Variants in DLGAP1 observed in about 807,000 individuals in gnomAD.
DLGAP1 encodes disks large-associated protein 1.
DLGAP1 carries 11 observed loss-of-function variants against 90.8 expected under a neutral mutation model. That is an observed-to-expected ratio of 0.12 (90% CI 0.08 to 0.20). The LOEUF (loss-of-function observed/expected upper bound fraction) is 0.20, where lower values mean the gene tolerates loss of function less well. Among genes scored for constraint, DLGAP1 ranks in the 10% least tolerant of loss-of-function variants. DLGAP1 has a pLI of 1.00. For missense variants in DLGAP1, 1,050 were observed against 1,333.8 expected (o/e 0.79, Z 3.31); for synonymous variants, 558 against 540.7 (o/e 1.03, Z -0.44).
At chr18:4,434,666 A>G (rs1434023433) in intron 1 of DLGAP1, among the ~76,000 whole-genome samples, 1 of 152,162 alleles carries the variant, frequency 6.6e-6, no homozygotes, top group East Asian at 1.9e-4. Context: ...GTCACAGAGA[A>G]ATCAGCAGGG....
chr18:4,172,963 C>CATT (rs1568433160), intron 1 of DLGAP1, among the ~76,000 whole-genome samples: 1 of 152,012 alleles, frequency 6.6e-6, no homozygotes, highest in Non-Finnish European at 1.5e-5. Context: ...CAAACTGTTA[C>CATT]GTTTCTTGCA....
chr18:3,784,369 C>T (rs2065347493), intron 5 of DLGAP1, among the ~76,000 whole-genome samples: 1 of 152,156 alleles, frequency 6.6e-6, no homozygotes. Context: ...AACCTCTATC[C>T]TAGCCTTCTT....
chr18:4,060,098 T>C (rs9960746), intron 2 of DLGAP1, among the ~76,000 whole-genome samples: 126,327 of 152,220 alleles, frequency 0.83, 52,673 homozygotes, highest in East Asian at 0.94. Context: ...GGCCAAAGGG[T>C]CTCCAGGACA....
intron 1 of DLGAP1, among the ~76,000 whole-genome samples, chr18:4,334,698 G>T (rs941490410): frequency 1.3e-5 from 2 of 151,844 alleles, no homozygotes; most frequent in Admixed American, 1.3e-4. Context: ...AGGGCAGGGT[G>T]GGAAGAGGTT....
At chr18:3,650,333 C>T (rs113252832) in intron 7 of DLGAP1, among the ~76,000 whole-genome samples, 9,828 of 152,108 alleles carry the variant, frequency 0.065, 479 homozygotes, top group African/African-American at 0.13. Flanking sequence ...TGTGAGTCAC[C>T]GTGCCTGGTT....
intron 7 of DLGAP1, among the ~76,000 whole-genome samples, chr18:3,713,744 A>G (rs1432830766): frequency 1.3e-5 from 2 of 151,610 alleles, no homozygotes; most frequent in Non-Finnish European, 2.9e-5. Flanking sequence ...GTGTGATAGA[A>G]AGAAACATGT....
At chr18:3,731,511 A>T (rs1178985775) in intron 6 of DLGAP1, among the ~76,000 whole-genome samples, 1 of 151,128 alleles carries the variant, frequency 6.6e-6, no homozygotes. Context: ...AGCCTCAAGC[A>T]ATCCTCCCGA....
chr18:4,347,480 C>T (rs625360), intron 1 of DLGAP1, among the ~76,000 whole-genome samples: 36,141 of 151,746 alleles, frequency 0.24, 4,365 homozygotes, highest in East Asian at 0.27. Context: ...TATTATATAT[C>T]ATATTAAGAA....
intron 1 of DLGAP1, chr18:4,295,422 A>G (rs1469694621): frequency 1.3e-5 from 2 of 152,212 alleles, no homozygotes; most frequent in Non-Finnish European, 2.9e-5. Flanking sequence ...TTGTGTTTCT[A>G]AAGTAGATAT....
chr18:3,716,745 C>T (rs1255130956), intron 7 of DLGAP1, among the ~76,000 whole-genome samples: 1 of 151,908 alleles, frequency 6.6e-6, no homozygotes, highest in East Asian at 1.9e-4. Flanking sequence ...CAAAAACACA[C>T]TATTTTGGAT....
intron 4 of DLGAP1, among the ~76,000 whole-genome samples, chr18:3,835,035 T>A (rs767402227): frequency 1.3e-5 from 2 of 152,218 alleles, no homozygotes; most frequent in Non-Finnish European, 2.9e-5. Flanking sequence ...TTCCATTTCT[T>A]CAGCTTCAAC....
chr18:3,532,705 G>C (rs1220814928), intron 10 of DLGAP1, among the ~76,000 whole-genome samples: 1 of 152,144 alleles, frequency 6.6e-6, no homozygotes, highest in African/African-American at 2.4e-5. Flanking sequence ...ACATGAAGCA[G>C]GCATTAATGC....
rs1245120066 is a variant in DLGAP1, at chr18:3,711,593, C to T, written c.1591+17542G>A. Among the ~76,000 whole-genome samples, 1 of 152,128 alleles carries T rather than the reference C, an allele frequency of 6.6e-6. No homozygotes were observed. The highest frequency in any genetic ancestry group is 2.4e-5 in the African/African-American group (1 of 41,424). On this transcript the variant is annotated intron_variant, in intron 7 of 12. Coordinates refer to ENST00000315677, the MANE Select transcript of DLGAP1 (RefSeq NM_004746.4). This position sits in a 1 kb window ranked among gnomAD's most constrained non-coding sequence, Gnocchi z 4.0. ...GTGGCTCATGCTTCTAATGCCGGCA[C>T]TTTGGGAGGCTGAGGCAGGAGGATC...
At chr18:4,341,634 C>T (rs184014152) in intron 1 of DLGAP1, among the ~76,000 whole-genome samples, 33 of 152,262 alleles carry the variant, frequency 2.2e-4, no homozygotes, top group African/African-American at 7.9e-4. Flanking sequence ...ACAAACCTAT[C>T]CCCACCCTAC....
At chr18:3,541,975 T>C (rs1013247640) in intron 9 of DLGAP1, among the ~76,000 whole-genome samples, 1 of 152,058 alleles carries the variant, frequency 6.6e-6, no homozygotes, top group Non-Finnish European at 1.5e-5. Context: ...GTGGCTCTCA[T>C]AATATGTCAC....
At chr18:3,803,713 C>T (rs1282909680) in intron 5 of DLGAP1, among the ~76,000 whole-genome samples, 1 of 151,678 alleles carries the variant, frequency 6.6e-6, no homozygotes, top group East Asian at 2.0e-4. Flanking sequence ...GGGCTGGAGC[C>T]GAAGACCCAG....
chr18:3,868,399 G>T (rs1034544201), intron 4 of DLGAP1, among the ~76,000 whole-genome samples: 9 of 152,128 alleles, frequency 5.9e-5, no homozygotes, highest in African/African-American at 2.2e-4. Flanking sequence ...AAAAGGAAAA[G>T]TCCTGTAGAA....
intron 1 of DLGAP1, among the ~76,000 whole-genome samples, chr18:4,184,602 T>C (rs1165220226): frequency 6.6e-6 from 1 of 152,096 alleles, no homozygotes; most frequent in Non-Finnish European, 1.5e-5. Context: ...TAAGCCTATA[T>C]AGAGAGTAAA....
chr18:4,188,888 T>C (rs924745417), intron 1 of DLGAP1, among the ~76,000 whole-genome samples: 3 of 152,200 alleles, frequency 2.0e-5, no homozygotes, highest in Non-Finnish European at 4.4e-5. Context: ...TTAAATTAAA[T>C]CAAATAAATT....
Sources: gnomAD v4.1 joint callset for allele counts (sites outside exome capture counted in the v4.1 genomes callset) on GRCh38, gnomAD v4.1.1 for gene constraint, Gnocchi (gnomAD v3.1) non-coding constraint, MANE v1.5 for transcripts, NCBI Gene and HGNC (gene_info 2026-07-23, HGNC 2026-07-21) for gene names.